Variants in BCO2 observed in about 807,000 individuals in gnomAD.
BCO2 encodes carotenoid-cleaving dioxygenase, mitochondrial.
BCO2 carries 56 observed loss-of-function variants against 65.8 expected under a neutral mutation model. The ratio of observed to expected loss-of-function variants is 0.85; its 90% CI spans 0.69 to 1.06. BCO2 has a LOEUF of 1.06. BCO2 is among the 50% of genes least tolerant of loss of function. BCO2 has a pLI of 0.00. For missense variants in BCO2, 675 were observed against 698.5 expected (o/e 0.97, Z 0.38); for synonymous variants, 233 against 242.3 (o/e 0.96, Z 0.36).
Position 112,195,197 on chromosome 11 carries a change from G to A in BCO2, c.736+442G>A, listed in dbSNP as rs1429825360. ...TGTTGCCAGGCAGGAGTGCAGTGGC[G>A]CAATCTCGCTCATTGCAACCTCTGC... On this transcript the variant is annotated intron_variant, in intron 5 of 11. Coordinates refer to ENST00000357685, the MANE Select transcript of BCO2 (RefSeq NM_031938.7). Among the ~76,000 whole-genome samples, 11 of 2,298 alleles carry A rather than the reference G, an allele frequency of 4.8e-3. 1 individual carries two copies. The East Asian group carries it at 0.43, about 90-fold the overall frequency. The allele number at this position is 2,298 out of a possible 152,430, so 1.5% of individuals were successfully genotyped here. A position where few individuals can be genotyped will look rare whatever the true frequency, so the allele number is the denominator to read the frequency against.
In BCO2 at chr11:112,179,468, G is replaced by T; in HGVS notation, c.279G>T (p.Glu93Asp). The T allele has an allele frequency of 6.2e-7, 1 of 1,614,052 alleles. No individual in the cohort carries two copies. The highest frequency in any genetic ancestry group is 1.6e-4 in the Middle Eastern group (1 of 6,062). Reference sequence around the variant, plus strand: ...TTCGAATTGGACCTGGGAAATTCGAGTTTGGGAAGGATAAGTAAGCCTTGA... The same window carrying T: ...TTCGAATTGGACCTGGGAAATTCGATTTTGGGAAGGATAAGTAAGCCTTGA... Reference protein sequence around the residue: ...SLLRIGPGKFEFGKDKYNHWF... With the variant: ...SLLRIGPGKFDFGKDKYNHWF... The change falls in exon 2 of 12, where the codon GAG (glutamate) becomes GAT (aspartate). Residue 93 changes from glutamate to aspartate, a missense_variant. Transcript: ENST00000357685.
chr11:112,209,982 G>A (rs554337835), intron 8 of BCO2, among the ~76,000 whole-genome samples: 7 of 152,218 alleles, frequency 4.6e-5, no homozygotes, highest in African/African-American at 1.7e-4. Flanking sequence ...CATACAATGA[G>A]TTGGGAATTG....
At chr11:112,187,656 G>A (rs868056567) in intron 2 of BCO2, among the ~76,000 whole-genome samples, 2 of 151,980 alleles carry the variant, frequency 1.3e-5, no homozygotes, top group Non-Finnish European at 2.9e-5. Context: ...TCCCACCTCC[G>A]CACTTCCCCA....
Position 112,181,532 on chromosome 11 carries a change from A to G in BCO2, c.293+2050A>G, listed in dbSNP as rs1027458770. 1.4e-5 allele frequency: 10 copies of G among 739,878 alleles called. No individual in the cohort carries two copies. In the African/African-American group the frequency reaches 1.7e-4, roughly 13 times the overall value. 45.8% of individuals were successfully genotyped at this position (739,878 alleles called of 1,614,324 possible). ...GAGTACTTTGAACCCATTTTGAACT[A>G]CTTGCATCGTGGACAGCTCATTGTA... is the stretch of plus-strand genomic sequence containing the variant. On this transcript the variant is annotated intron_variant, in intron 2 of 11. Coordinates refer to ENST00000357685, the MANE Select transcript of BCO2 (RefSeq NM_031938.7).
intron 2 of BCO2, among the ~76,000 whole-genome samples, chr11:112,185,057 G>A (rs946221483): frequency 6.6e-6 from 1 of 152,034 alleles, no homozygotes; most frequent in African/African-American, 2.4e-5. Flanking sequence ...TATTTTCTTT[G>A]CTTTATTATT....
chr11:112,187,934 G>A (rs1867248728), intron 2 of BCO2, among the ~76,000 whole-genome samples: 1 of 152,186 alleles, frequency 6.6e-6, no homozygotes, highest in Non-Finnish European at 1.5e-5. Context: ...AATGTGAAGG[G>A]AAAATATATG....
At chr11:112,214,739 A>C (rs1175561971) in intron 9 of BCO2, 23 bp from the exon 10 acceptor site, 1 of 1,601,448 alleles carries the variant, frequency 6.2e-7, no homozygotes, top group Non-Finnish European at 8.5e-7. Context: ...AACCACTACA[A>C]ATCCTTTTGA....
At position 112,206,664 on chromosome 11, in the gene BCO2, C is replaced by G. The variant is rs181043004; in HGVS notation, c.1194+4474C>G. On this transcript the variant is annotated intron_variant, in intron 8 of 11. Transcript: ENST00000357685. The stretch of plus-strand genomic sequence containing the variant: ...TGGATATGTGGTTGCAATTTTTTTC[C>G]CCAGCCCATAGGTCGCCTTTTCGTT... Among the ~76,000 whole-genome samples the G allele has an allele frequency of 5.3e-5, 8 of 152,122 alleles. No homozygotes were observed. The East Asian group carries it at 1.5e-3, about 29-fold the overall frequency.
At position 112,199,682 on chromosome 11, in the gene BCO2, G is replaced by A; in HGVS notation, c.737-17G>A. 1 of 1,611,412 alleles carries A rather than the reference G, an allele frequency of 6.2e-7. No individual in the cohort carries two copies. On this transcript the variant is annotated splice_polypyrimidine_tract_variant and intron_variant, in intron 5 of 11. Transcript: ENST00000357685. Reference sequence around the variant, plus strand: ...AATATATGTAAAACAGGTAAGATAGGACTTTTCATTTTTCAGGTTTCTCCT... The same window carrying A: ...AATATATGTAAAACAGGTAAGATAGAACTTTTCATTTTTCAGGTTTCTCCT...
At chr11:112,176,283 A>G (rs1424536612) in intron 1 of BCO2, 2 of 152,856 alleles carry the variant, frequency 1.3e-5, no homozygotes, top group East Asian at 1.9e-4. Flanking sequence ...CCCTGTACTC[A>G]AGGAGTACTG....
intron 2 of BCO2, among the ~76,000 whole-genome samples, chr11:112,188,135 C>T (rs1050078513): frequency 1.3e-5 from 2 of 152,286 alleles, no homozygotes; most frequent in African/African-American, 4.8e-5. Context: ...TGGTGTTCTA[C>T]AAATAGTTCA....
intron 2 of BCO2, among the ~76,000 whole-genome samples, chr11:112,186,763 A>G (rs1415086025): frequency 6.6e-6 from 1 of 152,230 alleles, no homozygotes; most frequent in Non-Finnish European, 1.5e-5. Flanking sequence ...AGGCCAAGGC[A>G]GGAGGATGGC....
chr11:112,186,020 G>A (rs61899685), intron 2 of BCO2, among the ~76,000 whole-genome samples: 17,395 of 152,118 alleles, frequency 0.11, 1,286 homozygotes, highest in East Asian at 0.39. Context: ...TTTGATCATG[G>A]TCCTTCTGTG....
chr11:112,193,976 T>C lies in BCO2; in HGVS notation c.615T>C (p.Thr205=), dbSNP rs949110708. ...TTATGAATAAAGTGGACATTGAAACTCTGGAAAAAACAGAAAAGGTAAAGT... is the reference window on the plus strand; with the variant it reads ...TTATGAATAAAGTGGACATTGAAACCCTGGAAAAAACAGAAAAGGTAAAGT... ...TNFMNKVDIE[T]LEKTEKVDWS... Residue 205 remains threonine, a synonymous_variant, in exon 4 of 12, where the codon ACT becomes ACC. Transcript: ENST00000357685. 10 of 1,598,586 alleles carry C rather than the reference T, an allele frequency of 6.3e-6. No homozygotes were observed. The highest frequency in any genetic ancestry group is 8.6e-6 in the Non-Finnish European group (10 of 1,166,058).
intron 2 of BCO2, among the ~76,000 whole-genome samples, chr11:112,182,277 G>A (rs1325417695): frequency 6.6e-6 from 1 of 152,162 alleles, no homozygotes; most frequent in African/African-American, 2.4e-5. Flanking sequence ...TTCAACCATT[G>A]TGGAAGACAG....
chr11:112,190,856 C>CAAAA (rs945768260), intron 2 of BCO2, among the ~76,000 whole-genome samples: 3 of 62,252 alleles, frequency 4.8e-5, no homozygotes, highest in African/African-American at 1.7e-4. Context: ...GACTCTGTCT[C>CAAAA]AAAAAAAAAA....
chr11:112,194,103 A>G (rs1867487408), intron 4 of BCO2, 109 bp downstream of exon 4: 2 of 677,724 alleles, frequency 3.0e-6, no homozygotes, highest in Non-Finnish European at 5.1e-6. Context: ...CCTTAACTAC[A>G]CAAAAAGAAA....
chr11:112,178,668 G>C (rs1866948493), intron 1 of BCO2, among the ~76,000 whole-genome samples: 1 of 152,086 alleles, frequency 6.6e-6, no homozygotes, highest in South Asian at 2.1e-4. Flanking sequence ...TTGCACTTTA[G>C]GTAATTTCAG....
At chr11:112,202,840 A>G (rs1867770394) in intron 8 of BCO2, among the ~76,000 whole-genome samples, 1 of 151,996 alleles carries the variant, frequency 6.6e-6, no homozygotes, top group Non-Finnish European at 1.5e-5. Context: ...GAGCTCAGGA[A>G]TTTGAGACCA....
Sources: gnomAD v4.1 joint callset for allele counts (sites outside exome capture counted in the v4.1 genomes callset) on GRCh38, gnomAD v4.1.1 for gene constraint, MANE v1.5 for transcripts, NCBI Gene and HGNC (gene_info 2026-07-23, HGNC 2026-07-21) for gene names.